SLC26A5: variants seen among roughly 807,000 people sequenced by gnomAD.
The protein encoded by SLC26A5 is prestin.
A neutral mutation model predicts 81.0 loss-of-function variants in SLC26A5; 51 were observed. The observed-to-expected ratio is 0.63, with a 90% CI of 0.50 to 0.80. The LOEUF is 0.80. Among genes scored for constraint, SLC26A5 ranks in the 30% least tolerant of loss-of-function variants. The probability of loss-of-function intolerance (pLI) is 0.00; values close to 1 mark genes in which losing one functional copy is unlikely to be tolerated. For synonymous variants in SLC26A5, 325 were observed against 332.8 expected (o/e 0.98, Z 0.25); for missense variants, 771 against 905.8 (o/e 0.85, Z 1.91).
chr7:103,436,998 A>T (rs1251017638), intron 2 of SLC26A5, among the ~76,000 whole-genome samples: 1 of 152,214 alleles, frequency 6.6e-6, no homozygotes, highest in Non-Finnish European at 1.5e-5. Flanking sequence ...ATGAGGAGAC[A>T]ACCCACAGAA....
At chr7:103,363,522 G>C in intron 19 of SLC26A5, 3 of 1,214,564 alleles carry the variant, frequency 2.5e-6, no homozygotes, top group Non-Finnish European at 2.4e-6. Context: ...TTGTATATTA[G>C]ATGGCTTTTA....
intron 2 of SLC26A5, among the ~76,000 whole-genome samples, chr7:103,437,777 T>C (rs1826564243): frequency 6.6e-6 from 1 of 152,046 alleles, no homozygotes; most frequent in Admixed American, 6.6e-5. Context: ...GGCTAGGTCA[T>C]GGGTGGGAGG....
At chr7:103,400,964 C>A (rs1000401124) in intron 8 of SLC26A5, among the ~76,000 whole-genome samples, 1 of 152,112 alleles carries the variant, frequency 6.6e-6, no homozygotes, top group Non-Finnish European at 1.5e-5. Context: ...GTTACTGTAG[C>A]CTTGTAGTAT....
chr7:103,412,652 C>T (rs1021909426), intron 5 of SLC26A5, among the ~76,000 whole-genome samples: 4 of 149,256 alleles, frequency 2.7e-5, no homozygotes, highest in African/African-American at 5.0e-5. Flanking sequence ...CAGGTTGAAG[C>T]GATTCTCCTG....
At chr7:103,396,222 T>C (rs1013765550) in intron 9 of SLC26A5, among the ~76,000 whole-genome samples, 1 of 152,130 alleles carries the variant, frequency 6.6e-6, no homozygotes, top group African/African-American at 2.4e-5. Context: ...AGAAAACCAC[T>C]TGCCACTATG....
chr7:103,361,901 AATTC>A, intron 19 of SLC26A5: 1 of 1,523,746 alleles, frequency 6.6e-7, no homozygotes, highest in Non-Finnish European at 8.9e-7. Context: ...TAGTTAGTTG[AATTC>A]ATTATTAGTG....
chr7:103,405,142 C>CG (rs1823936698), intron 8 of SLC26A5, among the ~76,000 whole-genome samples: 1 of 152,016 alleles, frequency 6.6e-6, no homozygotes. Context: ...TCCTTTAGCT[C>CG]GGAGGAGTTT....
intron 2 of SLC26A5, among the ~76,000 whole-genome samples, chr7:103,442,339 T>C (rs1826943683): frequency 6.6e-6 from 1 of 152,146 alleles, no homozygotes; most frequent in African/African-American, 2.4e-5. Flanking sequence ...GGTTTTGCTA[T>C]GTTGGCCAAG....
At chr7:103,355,561 C>A in intron 19 of SLC26A5, 1 of 610,940 alleles carries the variant, frequency 1.6e-6, no homozygotes, top group Non-Finnish European at 2.9e-6. Context: ...TGCTACTAAA[C>A]AGTCTATAAT....
intron 16 of SLC26A5, 92 bp from the exon 17 acceptor site, chr7:103,378,645 C>A: frequency 8.9e-7 from 1 of 1,122,712 alleles, no homozygotes; most frequent in Non-Finnish European, 1.4e-6. Flanking sequence ...CATTTAACTG[C>A]TTTCTGGGTC....
chr7:103,389,169 T>C, intron 13 of SLC26A5, 55 bp from the exon 14 acceptor site: 2 of 1,383,312 alleles, frequency 1.4e-6, no homozygotes, highest in Non-Finnish European at 2.1e-6. Context: ...CCCACAAGAG[T>C]TAAACACACA....
At chr7:103,421,225 G>T in intron 3 of SLC26A5, 138 bp downstream of exon 3, 1 of 951,578 alleles carries the variant, frequency 1.1e-6, no homozygotes, top group Non-Finnish European at 1.6e-6. Flanking sequence ...TGAACCTCGT[G>T]AACAGCTTTG....
At chr7:103,357,053 C>T (rs961772525) in intron 19 of SLC26A5, among the ~76,000 whole-genome samples, 3 of 152,010 alleles carry the variant, frequency 2.0e-5, no homozygotes, top group African/African-American at 4.8e-5. Flanking sequence ...AGGCTGGGCA[C>T]GGCAGCTCAC....
chr7:103,411,072 G>T (rs114497619), intron 6 of SLC26A5, among the ~76,000 whole-genome samples: 1 of 152,090 alleles, frequency 6.6e-6, no homozygotes, highest in Admixed American at 6.6e-5. Flanking sequence ...TGCCTTCCCT[G>T]TCTCTCATTG....
intron 10 of SLC26A5, among the ~76,000 whole-genome samples, chr7:103,392,310 T>C (rs1822726900): frequency 6.6e-6 from 1 of 152,244 alleles, no homozygotes; most frequent in South Asian, 2.1e-4. Flanking sequence ...ATACCTTATC[T>C]GTGGCTGCGT....
intron 11 of SLC26A5, 120 bp downstream of exon 11, chr7:103,391,502 C>T (rs567844061): frequency 4.5e-5 from 35 of 785,300 alleles, no homozygotes; most frequent in Non-Finnish European, 7.2e-5. Flanking sequence ...CCCTACACAG[C>T]TCACTGGAGC....
In SLC26A5 at chr7:103,378,508, T is replaced by C. The variant is rs1208198847; in HGVS notation, c.1723A>G (p.Met575Val). 1.9e-6 allele frequency: 3 copies of C among 1,614,194 alleles called. No homozygotes were observed. The highest frequency in any genetic ancestry group is 2.2e-5 in the South Asian group (2 of 91,076). The part of the protein sequence containing the change: ...AVIMGARRKA[M>V]RKYAKEVGNA... ...CCGACTTCCTTAGCGTACTTCCGCA[T>C]GGCCTTTCTCCTTGCTCCCATGATG... Residue 575 changes from methionine to valine, a missense_variant, in exon 17 of 20, where the codon ATG becomes GTG. Transcript: ENST00000306312.
chr7:103,417,012 T>G (rs1824961147), intron 4 of SLC26A5, among the ~76,000 whole-genome samples: 1 of 152,120 alleles, frequency 6.6e-6, no homozygotes, highest in Non-Finnish European at 1.5e-5. Flanking sequence ...AATGCAAATT[T>G]GATGGTGGGA....
At chr7:103,362,009 G>A in intron 19 of SLC26A5, 1 of 1,613,864 alleles carries the variant, frequency 6.2e-7, no homozygotes, top group Non-Finnish European at 8.5e-7. Context: ...CATTATCAAC[G>A]TAAAGCAGTT....
Sources: allele counts gnomAD v4.1 joint callset (sites outside exome capture counted in the v4.1 genomes callset), GRCh38; gene constraint gnomAD v4.1.1; transcripts MANE v1.5; gene names NCBI Gene and HGNC (gene_info 2026-07-23, HGNC 2026-07-21).